Variants in RBBP8 observed in about 807,000 individuals in gnomAD.
The protein encoded by RBBP8 is RB binding protein 8, endonuclease.
In RBBP8, 88 loss-of-function variants were observed where a neutral mutation model predicts 108.3. The observed-to-expected ratio is 0.81, with a 90% confidence interval of 0.68 to 0.97. RBBP8 has a LOEUF of 0.97. Ranked by LOEUF, RBBP8 falls within the 50% of genes least tolerant of loss-of-function variation. The pLI is 0.00. For missense variants in RBBP8, 1,023 were observed against 1,049.0 expected (o/e 0.98, Z 0.34); for synonymous variants, 332 against 348.2 (o/e 0.95, Z 0.52).
chr18:22,955,739 G>A (rs958799433), intron 4 of RBBP8, among the ~76,000 whole-genome samples: 4 of 143,706 alleles, frequency 2.8e-5, no homozygotes, highest in African/African-American at 5.0e-5. Context: ...TGCCTCGCCC[G>A]GCTAATTTTT....
intron 2 of RBBP8, chr18:22,915,527 C>T (rs1403172126): frequency 6.6e-6 from 1 of 152,128 alleles, no homozygotes; most frequent in Admixed American, 6.5e-5. Flanking sequence ...TCTGCAAAAG[C>T]AATGTGCTGA....
chr18:22,989,808 G>C (rs1598712575), intron 9 of RBBP8, among the ~76,000 whole-genome samples: 1 of 152,016 alleles, frequency 6.6e-6, no homozygotes, highest in African/African-American at 2.4e-5. Context: ...AAATAGCTGG[G>C]ACTACAGACA....
chr18:22,985,670 C>T (rs921692470), intron 8 of RBBP8, among the ~76,000 whole-genome samples: 7 of 151,226 alleles, frequency 4.6e-5, no homozygotes, highest in African/African-American at 9.7e-5. Context: ...TAGGTTGGGG[C>T]GGGGGTGGTT....
chr18:23,012,265 AG>A (rs2046182259), intron 16 of RBBP8, among the ~76,000 whole-genome samples: 1 of 151,676 alleles, frequency 6.6e-6, no homozygotes, highest in Non-Finnish European at 1.5e-5. Context: ...TACAAGTGAA[AG>A]GAAGAGTTGC....
At chr18:23,004,132 A>C (rs2045997534) in intron 15 of RBBP8, among the ~76,000 whole-genome samples, 1 of 151,700 alleles carries the variant, frequency 6.6e-6, no homozygotes, top group Admixed American at 6.6e-5. Context: ...CTGGGTGTAT[A>C]TCCAAAGGAA....
chr18:22,956,034 C>G (rs1272821798), intron 4 of RBBP8, among the ~76,000 whole-genome samples: 2 of 152,124 alleles, frequency 1.3e-5, no homozygotes, highest in East Asian at 3.9e-4. Context: ...TTTACCAAAA[C>G]AGACACTCTG....
chr18:22,948,624 C>T (rs1161788256), intron 3 of RBBP8, among the ~76,000 whole-genome samples: 3 of 152,050 alleles, frequency 2.0e-5, no homozygotes, highest in Non-Finnish European at 4.4e-5. Flanking sequence ...TTGTTTTACT[C>T]ATCTATTTTG....
chr18:22,914,803 A>G (rs1909289940), intron 1 of RBBP8, among the ~76,000 whole-genome samples: 3 of 152,172 alleles, frequency 2.0e-5, no homozygotes, highest in Admixed American at 2.0e-4. Context: ...AGTGTGAAAA[A>G]CAAAGACCGT....
chr18:23,011,665 T>G (rs962371714), intron 16 of RBBP8, among the ~76,000 whole-genome samples: 33 of 152,088 alleles, frequency 2.2e-4, no homozygotes, highest in African/African-American at 8.0e-4. Flanking sequence ...GGTCTCGATC[T>G]CCTGACCTCA....
At chr18:23,003,903 A>C (rs2045989943) in intron 15 of RBBP8, among the ~76,000 whole-genome samples, 1 of 151,882 alleles carries the variant, frequency 6.6e-6, no homozygotes, top group Admixed American at 6.6e-5. Flanking sequence ...GAAAATACAA[A>C]AAAATTAACC....
chr18:22,916,154 A>ATT (rs1008451930), intron 2 of RBBP8, among the ~76,000 whole-genome samples: 2 of 152,020 alleles, frequency 1.3e-5, no homozygotes, highest in African/African-American at 4.8e-5. Context: ...CTCATTTAAA[A>ATT]TTTTTTTACT....
intron 15 of RBBP8, 94 bp from the exon 16 acceptor site, chr18:23,006,262 TAAAAATG>T: frequency 9.7e-7 from 1 of 1,028,966 alleles, no homozygotes; most frequent in Non-Finnish European, 1.5e-6. Context: ...TGAAACCCAA[TAAAAATG>T]GAAGTTTGAG....
At chr18:22,997,903 A>G (rs552197429) in intron 14 of RBBP8, among the ~76,000 whole-genome samples, 169 bp downstream of exon 14, 1 of 152,330 alleles carries the variant, frequency 6.6e-6, no homozygotes, top group African/African-American at 2.4e-5. Flanking sequence ...TGCGTCAGAA[A>G]AAAAGTCTTT....
intron 6 of RBBP8, among the ~76,000 whole-genome samples, chr18:22,978,483 C>T (rs1452294351): frequency 6.6e-6 from 1 of 151,708 alleles, no homozygotes; most frequent in Non-Finnish European, 1.5e-5. Flanking sequence ...TTAGTTTGGG[C>T]ACCTCTAGTT....
Position 23,026,333 on chromosome 18 carries a change from T to C in RBBP8, c.*93T>C. On this transcript the variant is annotated 3_prime_UTR_variant, in exon 19 of 19. Coordinates refer to ENST00000327155, the MANE Select transcript of RBBP8 (RefSeq NM_002894.3). ...GTACTAAACATTGATTTTTTTGATC[T>C]TCTGTAAATGGATTTATAAATCAGT... 1 of 1,062,776 alleles carries C rather than the reference T, an allele frequency of 9.4e-7. No homozygotes were observed. The highest frequency in any genetic ancestry group is 1.4e-5 in the South Asian group (1 of 72,840). The allele number at this position is 1,062,776 out of a possible 1,614,324, so 65.8% of individuals were successfully genotyped here.
chr18:23,022,171 G>T lies in RBBP8; in HGVS notation c.2497G>T (p.Ala833Ser), dbSNP rs772867779. ...AGCAGAAGAAAGAGAAAAGAAATTG[G>T]CTTCCTGCTCAAGACACCGATTCCG... The part of the protein sequence containing the change: ...MPAEEREKKL[A>S]SCSRHRFRYI... The change falls in exon 18 of 19, where the codon GCT (alanine) becomes TCT (serine). Residue 833 changes from alanine (A) to serine (S), a missense_variant. Ala to Ser is a moderately conservative substitution (Grantham distance 99). Transcript: ENST00000327155. 7 of 1,610,148 alleles carry T rather than the reference G, an allele frequency of 4.3e-6. No individual in the cohort carries two copies. The highest frequency in any genetic ancestry group is 5.9e-6 in the Non-Finnish European group (7 of 1,176,554).
At chr18:22,992,520 G>C (rs773485742) in intron 10 of RBBP8, among the ~76,000 whole-genome samples, 9 of 152,142 alleles carry the variant, frequency 5.9e-5, no homozygotes, top group Non-Finnish European at 2.9e-5. Flanking sequence ...GTATAATAAA[G>C]TTATTTAAAG....
In RBBP8 at chr18:22,936,740, A is replaced by G; in HGVS notation, c.-98-14A>G. The G allele has an allele frequency of 8.4e-7, 1 of 1,191,102 alleles. No individual in the cohort carries two copies. The highest frequency in any genetic ancestry group is 1.2e-6 in the Non-Finnish European group (1 of 807,006). The allele number at this position is 1,191,102 out of a possible 1,614,324, so 73.8% of individuals were successfully genotyped here. A position where few individuals can be genotyped will look rare whatever the true frequency, so the allele number is the denominator to read the frequency against. On this transcript the variant is annotated splice_polypyrimidine_tract_variant and intron_variant, in intron 1 of 18. Coordinates refer to ENST00000327155, the MANE Select transcript of RBBP8 (RefSeq NM_002894.3). Reference sequence around the variant, plus strand: ...AAATGCAAAGTTCATTTATGTTGCAATCTGTCATTTCAGGTATTTGACCTG... The same window carrying G: ...AAATGCAAAGTTCATTTATGTTGCAGTCTGTCATTTCAGGTATTTGACCTG...
At chr18:23,020,463 G>A (rs1451305169) in intron 17 of RBBP8, among the ~76,000 whole-genome samples, 2 of 151,956 alleles carry the variant, frequency 1.3e-5, no homozygotes, top group Non-Finnish European at 2.9e-5. Flanking sequence ...ATTTTTTAGA[G>A]CAGTTATAGG....
Sources: gnomAD v4.1 joint callset for allele counts (sites outside exome capture counted in the v4.1 genomes callset) on GRCh38, gnomAD v4.1.1 for gene constraint, MANE v1.5 for transcripts, NCBI Gene and HGNC (gene_info 2026-07-23, HGNC 2026-07-21) for gene names.